The following WDFY4 variants were observed in gnomAD, a reference collection of about 807,000 sequenced individuals.
WDFY4 encodes WD repeat- and FYVE domain-containing protein 4.
WDFY4 carries 169 observed loss-of-function variants against 351.9 expected under a neutral mutation model. The observed-to-expected ratio is 0.48, with a 90% CI of 0.42 to 0.55. WDFY4 has a LOEUF of 0.55. Among genes scored for constraint, WDFY4 ranks in the 20% least tolerant of loss-of-function variants. The probability of loss-of-function intolerance (pLI) is 0.00; values close to 1 mark genes in which losing one functional copy is unlikely to be tolerated. For missense variants in WDFY4, 3,803 were observed against 3,935.6 expected, an observed-to-expected ratio of 0.97 and a Z score of 0.90; for synonymous variants, 1,622 against 1,574.6, an observed-to-expected ratio of 1.03 and a Z score of -0.71.
intron 1 of WDFY4, among the ~76,000 whole-genome samples, chr10:48,704,134 C>T (rs747606737): frequency 6.6e-6 from 1 of 152,084 alleles, no homozygotes; most frequent in Non-Finnish European, 1.5e-5. Flanking sequence ...TGCTGGACCT[C>T]TTCCCATTGT....
chr10:48,949,355 T>G (rs1206331061), intron 51 of WDFY4, among the ~76,000 whole-genome samples: 1 of 152,176 alleles, frequency 6.6e-6, no homozygotes, highest in African/African-American at 2.4e-5. Flanking sequence ...GAATTTTAGC[T>G]CTCGAGAGGA....
chr10:48,756,772 C>T (rs2065350225), intron 12 of WDFY4, among the ~76,000 whole-genome samples: 1 of 151,932 alleles, frequency 6.6e-6, no homozygotes, highest in South Asian at 2.1e-4. Flanking sequence ...ATTAAACTTG[C>T]CTTGCATTTA....
intron 47 of WDFY4, among the ~76,000 whole-genome samples, chr10:48,937,416 G>A (rs768861849): frequency 1.3e-5 from 2 of 152,164 alleles, no homozygotes; most frequent in Admixed American, 6.5e-5. Flanking sequence ...TCTGGTCCTG[G>A]CAGGTGCTCT....
At chr10:48,808,704 T>G (rs968629390) in intron 28 of WDFY4, among the ~76,000 whole-genome samples, 2 of 152,242 alleles carry the variant, frequency 1.3e-5, no homozygotes, top group African/African-American at 4.8e-5. Flanking sequence ...AATCCTTTCT[T>G]TCTTAGAATC....
chr10:48,817,198 G>A lies in WDFY4; in HGVS notation c.5341-47G>A, dbSNP rs41283277. 5,901 of 1,540,936 alleles carry A rather than the reference G, an allele frequency of 3.8e-3. 18 individuals carry two copies. Among genetic ancestry groups the A allele is most frequent in the Non-Finnish European group, 4.7e-3 (5,396 of 1,139,574 alleles). Reference sequence around the variant, plus strand: ...CTCAGCTCCTCTGGTTAGGGAGGCAGCGCCCATCATGCTGCCCTGCACTAC... The same window carrying A: ...CTCAGCTCCTCTGGTTAGGGAGGCAACGCCCATCATGCTGCCCTGCACTAC... On this transcript the variant is annotated intron_variant, in intron 31 of 61. Transcript: ENST00000325239.
At chr10:48,900,400 T>C in intron 46 of WDFY4, 94 bp downstream of exon 46, 1 of 1,226,846 alleles carries the variant, frequency 8.2e-7, no homozygotes, top group Admixed American at 2.5e-5. Context: ...GGAAAAGTGT[T>C]CTCAACCCAC....
At chr10:48,857,690 T>C (rs941833634) in intron 39 of WDFY4, among the ~76,000 whole-genome samples, 1 of 152,242 alleles carries the variant, frequency 6.6e-6, no homozygotes. Context: ...ATGGGTGACC[T>C]GGGTGGAACA....
rs114385704 is a variant in WDFY4 at position 48,949,525 on chromosome 10, A to G, written c.7977+2556A>G. On this transcript the variant is annotated intron_variant, in intron 51 of 61. Coordinates refer to ENST00000325239, the MANE Select transcript of WDFY4 (RefSeq NM_001394531.1). ...TCCTGCCTCCTAGGGGGAGGCCTGT[A>G]TCTTCTCCAGAGACCTTTGCTTCAC... is the stretch of plus-strand genomic sequence containing the variant. Among the ~76,000 whole-genome samples the G allele has an allele frequency of 3.5e-3, 533 of 152,202 alleles. 8 individuals carry two copies. The highest frequency in any genetic ancestry group is 0.012 in the African/African-American group (506 of 41,524).
At chr10:48,838,874 C>T (rs1206110679) in intron 39 of WDFY4, among the ~76,000 whole-genome samples, 4 of 152,144 alleles carry the variant, frequency 2.6e-5, no homozygotes, top group African/African-American at 9.7e-5. Flanking sequence ...GCCATCATTG[C>T]GGGAGTGATC....
Position 48,774,641 on chromosome 10 carries a change from G to A in WDFY4, c.2737G>A (p.Ala913Thr), listed in dbSNP as rs748749978. The A allele has an allele frequency of 1.3e-6, 2 of 1,551,740 alleles. No homozygotes were observed. Among genetic ancestry groups the A allele is most frequent in the South Asian group, 1.2e-5 (1 of 84,062 alleles). ...SRLIRIFEKL[A>T]SQAIEPDVLR... ...CCTCATCAGGATCTTTGAGAAGCTC[G>A]CTTCCCAGGCCATTGAACCGGATGT... The change falls in exon 14 of 62, where the codon GCT becomes ACT. Residue 913 changes from alanine to threonine, a missense_variant. Ala to Thr is a moderately conservative substitution (Grantham distance 58). Around this residue, in one of 3 missense-constraint regions of WDFY4, gnomAD observed 3,054 missense variants for 3,148.6 expected, o/e 0.97. Transcript: ENST00000325239.
intron 2 of WDFY4, among the ~76,000 whole-genome samples, chr10:48,716,310 C>G (rs529470119): frequency 1.3e-5 from 2 of 152,294 alleles, no homozygotes; most frequent in African/African-American, 4.8e-5. Flanking sequence ...CTCTCATCTC[C>G]CCTAGAGCTT....
chr10:48,919,941 C>T (rs1201704144), intron 47 of WDFY4, among the ~76,000 whole-genome samples: 1 of 152,062 alleles, frequency 6.6e-6, no homozygotes, highest in Non-Finnish European at 1.5e-5. Flanking sequence ...TAAAATCACA[C>T]AAAGACATAT....
At chr10:48,879,326 C>T (rs1468683545) in intron 43 of WDFY4, among the ~76,000 whole-genome samples, 2 of 152,170 alleles carry the variant, frequency 1.3e-5, no homozygotes, top group East Asian at 1.9e-4. Flanking sequence ...AGGGCTACTG[C>T]TGGGCACCCT....
At chr10:48,922,403 C>G (rs184489185) in intron 47 of WDFY4, among the ~76,000 whole-genome samples, 9 of 152,240 alleles carry the variant, frequency 5.9e-5, no homozygotes, top group African/African-American at 2.2e-4. Context: ...AAAGTGCTTC[C>G]TTTAAGTGAA....
chr10:48,925,903 C>A (rs994540207), intron 47 of WDFY4, among the ~76,000 whole-genome samples: 6 of 152,274 alleles, frequency 3.9e-5, no homozygotes, highest in African/African-American at 1.2e-4. Context: ...TCCAGAGAAA[C>A]TAAGCAAAAT....
chr10:48,973,401 T>G (rs1996186), intron 57 of WDFY4, among the ~76,000 whole-genome samples: 1 of 152,344 alleles, frequency 6.6e-6, no homozygotes, highest in East Asian at 1.9e-4. Flanking sequence ...GTTGGCGTCA[T>G]GTTAGGATCC....
intron 47 of WDFY4, among the ~76,000 whole-genome samples, chr10:48,906,353 A>G (rs1049751282): frequency 6.6e-6 from 1 of 152,140 alleles, no homozygotes; most frequent in Non-Finnish European, 1.5e-5. Flanking sequence ...TTTCAGTGAC[A>G]ATGGTTGCCT....
chr10:48,935,597 C>T (rs1053881402), intron 47 of WDFY4, among the ~76,000 whole-genome samples: 3 of 152,150 alleles, frequency 2.0e-5, no homozygotes, highest in East Asian at 3.8e-4. Context: ...TTTTTCTGCT[C>T]TTTGGTTTTT....
Position 48,790,908 on chromosome 10 carries a change from TG to T in WDFY4, c.4251del (p.Tyr1418ThrfsTer3). 1 of 1,551,712 alleles carries T rather than the reference TG, an allele frequency of 6.4e-7. No homozygotes were observed. The highest frequency in any genetic ancestry group is 8.7e-7 in the Non-Finnish European group (1 of 1,146,990). ...GTGACTTCCTGATGCAACACATCTG[TG>T]GGTACCAGGTAATCCCATCCTCCCA... ...MCDFLMQHIC[G>X]YQIMAFLLRK... On this transcript the variant is annotated frameshift_variant, in exon 23 of 62. Coordinates refer to ENST00000325239, the MANE Select transcript of WDFY4 (RefSeq NM_001394531.1). LOFTEE classifies it high-confidence loss of function.
Sources: allele counts gnomAD v4.1 joint callset (sites outside exome capture counted in the v4.1 genomes callset), GRCh38; gene constraint gnomAD v4.1.1; regional missense constraint gnomAD v4.1.1; transcripts MANE v1.5; gene names NCBI Gene and HGNC (gene_info 2026-07-23, HGNC 2026-07-21).